The following BIRC6 variants were observed in gnomAD, a reference collection of about 807,000 sequenced individuals.
BIRC6 encodes baculoviral IAP repeat containing 6, also known as dual E2 ubiquitin-conjugating enzyme/E3 ubiquitin-protein ligase BIRC6.
A neutral mutation model predicts 503.3 loss-of-function variants in BIRC6; 98 were observed. The observed-to-expected ratio is 0.19, with a 90% CI of 0.17 to 0.23. The LOEUF is 0.23. BIRC6 is among the 10% of genes least tolerant of loss of function. The pLI is 1.00. For synonymous variants in BIRC6, 2,240 were observed against 2,078.7 expected, an observed-to-expected ratio of 1.08 and a Z score of -2.11; for missense variants, 5,360 against 5,806.0, an observed-to-expected ratio of 0.92 and a Z score of 2.50.
Position 32,515,204 on chromosome 2 carries a change from G to T in BIRC6, c.10783G>T (p.Asp3595Tyr). ...KQDLSSSLTDDSKNAQAPLAL... is the reference protein window; with the variant it reads ...KQDLSSSLTDYSKNAQAPLAL... ...GGATCTTAGTTCATCTTTAACAGAT[G>T]ACTCTAAAAATGCACAAGCACCTCT... The change falls in exon 55 of 74, where the codon GAC becomes TAC. Residue 3595 changes from aspartate to tyrosine, a missense_variant. Asp to Tyr is a radical substitution (Grantham distance 160). Transcript: ENST00000421745. 1 of 1,613,838 alleles carries T rather than the reference G, an allele frequency of 6.2e-7. No homozygotes were observed. Among genetic ancestry groups the T allele is most frequent in the South Asian group, 1.1e-5 (1 of 91,062 alleles).
chr2:32,482,591 A>G lies in BIRC6; in HGVS notation c.7696+9A>G, dbSNP rs1031286284. 6.2e-7 allele frequency: 1 copy of G among 1,613,316 alleles called. No homozygotes were observed. The highest frequency in any genetic ancestry group is 1.1e-5 in the South Asian group (1 of 91,022). On this transcript the variant is annotated intron_variant, in intron 39 of 73. Coordinates refer to ENST00000421745, the MANE Select transcript of BIRC6 (RefSeq NM_016252.4). Reference sequence around the variant, plus strand: ...CGTTTCAGTCTCTCAGGGTAAGTGTATGTTTATATTTTAAGACATATGCTA... The same window carrying G: ...CGTTTCAGTCTCTCAGGGTAAGTGTGTGTTTATATTTTAAGACATATGCTA...
intron 53 of BIRC6, 125 bp from the exon 54 acceptor site, chr2:32,512,808 A>C: frequency 1.4e-6 from 1 of 706,448 alleles, no homozygotes; most frequent in Non-Finnish European, 2.4e-6. Context: ...GATTAAAATA[A>C]TCAAAAACAA....
intron 23 of BIRC6, among the ~76,000 whole-genome samples, chr2:32,462,450 G>A (rs1188867606): frequency 2.0e-5 from 3 of 152,190 alleles, no homozygotes; most frequent in Non-Finnish European, 4.4e-5. Context: ...TACTGATAAT[G>A]TTCATGGGTA....
intron 1 of BIRC6, among the ~76,000 whole-genome samples, chr2:32,362,701 ATTGT>A (rs2034308794): frequency 6.6e-6 from 1 of 152,026 alleles, no homozygotes; most frequent in African/African-American, 2.4e-5. Context: ...CACCCTAGCT[ATTGT>A]TTGTTCATGA....
At chr2:32,604,932 C>A (rs1395041798) in intron 71 of BIRC6, among the ~76,000 whole-genome samples, 1 of 148,990 alleles carries the variant, frequency 6.7e-6, no homozygotes, top group Non-Finnish European at 1.5e-5. Flanking sequence ...CACTCTGTGG[C>A]CCAGGCTGGG....
rs528441222 is a variant in BIRC6 at position 32,597,999 on chromosome 2, C to T, written c.13830+31C>T. The T allele has an allele frequency of 6.5e-6, 10 of 1,537,062 alleles. 1 individual carries two copies. The South Asian group carries it at 6.9e-5, about 11-fold the overall frequency. On this transcript the variant is annotated intron_variant, in intron 69 of 73. Coordinates refer to ENST00000421745, the MANE Select transcript of BIRC6 (RefSeq NM_016252.4). ...AAATAATGATAATAAAGCACTCTCC[C>T]TTATCTCCTTGGCTCATCTAATTAC...
chr2:32,515,843 A>C, intron 55 of BIRC6, 73 bp downstream of exon 55: 7 of 1,369,712 alleles, frequency 5.1e-6, no homozygotes, highest in Non-Finnish European at 6.8e-6. Context: ...AGGCCAGGTA[A>C]TAATAAATTT....
intron 62 of BIRC6, 64 bp downstream of exon 62, chr2:32,543,605 C>A (rs1205946043): frequency 6.9e-7 from 1 of 1,457,474 alleles, no homozygotes. Context: ...GTATCCAGAT[C>A]ATTGCCTATT....
At chr2:32,439,735 G>A in intron 16 of BIRC6, 49 bp downstream of exon 16, 1 of 1,533,332 alleles carries the variant, frequency 6.5e-7, no homozygotes, top group South Asian at 1.2e-5. Flanking sequence ...TAAACATTGT[G>A]GATCAGATTT....
chr2:32,521,496 G>A (rs927568885), intron 57 of BIRC6, among the ~76,000 whole-genome samples: 1 of 151,408 alleles, frequency 6.6e-6, no homozygotes, highest in East Asian at 1.9e-4. Context: ...TTTTGAGACG[G>A]AGTCTCACTC....
At position 32,575,327 on chromosome 2, in the gene BIRC6, A is replaced by G; in HGVS notation, c.13316A>G (p.Lys4439Arg). Residue 4439 changes from lysine (K) to arginine (R), a missense_variant, in exon 66 of 74, where the codon AAA becomes AGA. This residue lies in a region of BIRC6 where 477 missense variants were observed against 574.4 expected (regional missense o/e 0.83). Coordinates refer to ENST00000421745, the MANE Select transcript of BIRC6 (RefSeq NM_016252.4). ...CQTSVGTLLA[K>R]MKTCVDTYTN... ...ACTTCTGTTGGTACATTGTTAGCCA[A>G]AATGAAGACCTGTGTTGATACCTAT... The G allele has an allele frequency of 6.2e-7, 1 of 1,614,034 alleles. No homozygotes were observed. Among genetic ancestry groups the G allele is most frequent in the Non-Finnish European group, 8.5e-7 (1 of 1,179,898 alleles).
chr2:32,500,526 T>G (rs1488279168), intron 46 of BIRC6, among the ~76,000 whole-genome samples: 3 of 151,390 alleles, frequency 2.0e-5, no homozygotes, highest in Non-Finnish European at 4.4e-5. Context: ...CGAGTGATAC[T>G]CCTGCCTCAG....
chr2:32,496,792 G>T (rs1471653559), intron 45 of BIRC6, among the ~76,000 whole-genome samples: 1 of 152,154 alleles, frequency 6.6e-6, no homozygotes, highest in Non-Finnish European at 1.5e-5. Context: ...CAGATGTATT[G>T]CTTGTTTGGC....
At position 32,415,118 on chromosome 2, in the gene BIRC6, C is replaced by G; in HGVS notation, c.1827C>G (p.Asp609Glu). 1.2e-6 allele frequency: 2 copies of G among 1,613,924 alleles called. No homozygotes were observed. Among genetic ancestry groups the G allele is most frequent in the Non-Finnish European group, 1.7e-6 (2 of 1,179,860 alleles). ...GESISEQGST[D>E]NESCTNSELN... is the part of the protein sequence containing the mutation. ...GTATATCAGAACAAGGGTCAACTGACAATGAATCCTGCACTAATTCAGAAC... is the reference window on the plus strand; with the variant it reads ...GTATATCAGAACAAGGGTCAACTGAGAATGAATCCTGCACTAATTCAGAAC... Residue 609 changes from aspartate to glutamate, a missense_variant, in exon 10 of 74, where the codon GAC becomes GAG. Coordinates refer to ENST00000421745, the MANE Select transcript of BIRC6 (RefSeq NM_016252.4).
intron 45 of BIRC6, among the ~76,000 whole-genome samples, chr2:32,495,655 T>A (rs1426411927): frequency 1.3e-5 from 2 of 152,148 alleles, no homozygotes; most frequent in African/African-American, 4.8e-5. Flanking sequence ...TATTTTTTGT[T>A]GTTGTTACCC....
intron 71 of BIRC6, among the ~76,000 whole-genome samples, chr2:32,604,533 G>A (rs1018008778): frequency 1.3e-5 from 2 of 152,210 alleles, no homozygotes; most frequent in Non-Finnish European, 2.9e-5. Flanking sequence ...CCACCCAGTG[G>A]TAAGATAACC....
chr2:32,507,538 A>G (rs550245733), intron 50 of BIRC6, among the ~76,000 whole-genome samples: 3 of 152,374 alleles, frequency 2.0e-5, no homozygotes, highest in Admixed American at 6.5e-5. Context: ...AATAATTGGT[A>G]GATAAACAAG....
At chr2:32,373,504 A>T (rs2036275278) in intron 1 of BIRC6, among the ~76,000 whole-genome samples, 1 of 152,214 alleles carries the variant, frequency 6.6e-6, no homozygotes, top group South Asian at 2.1e-4. Flanking sequence ...TTTTCAACAA[A>T]TGTTGCTGGG....
chr2:32,537,306 T>C (rs2057314484), intron 61 of BIRC6, among the ~76,000 whole-genome samples: 1 of 152,110 alleles, frequency 6.6e-6, no homozygotes, highest in Non-Finnish European at 1.5e-5. Flanking sequence ...CAACAGAATA[T>C]ACATTCTTTT....
Sources: allele counts gnomAD v4.1 joint callset (sites outside exome capture counted in the v4.1 genomes callset), GRCh38; gene constraint gnomAD v4.1.1; regional missense constraint gnomAD v4.1.1; transcripts MANE v1.5; gene names NCBI Gene and HGNC (gene_info 2026-07-23, HGNC 2026-07-21).